The following PAN3 variants were observed in gnomAD, a reference collection of about 807,000 sequenced individuals.
PAN3 encodes PAN2-PAN3 deadenylation complex subunit PAN3.
A neutral mutation model predicts 96.2 loss-of-function variants in PAN3; 19 were observed. The observed-to-expected ratio is 0.20, with a 90% CI of 0.14 to 0.29. The LOEUF is 0.29. PAN3 is among the 10% of genes least tolerant of loss of function. The pLI, the probability that PAN3 is intolerant of heterozygous loss-of-function variation, is 1.00. For missense variants in PAN3, 882 were observed against 1,108.1 expected (o/e 0.80, Z 2.90); for synonymous variants, 433 against 406.6 (o/e 1.06, Z -0.78).
At chr13:28,194,773 T>C (rs1010484653) in intron 4 of PAN3, among the ~76,000 whole-genome samples, 1 of 151,948 alleles carries the variant, frequency 6.6e-6, no homozygotes, top group African/African-American at 2.4e-5. Context: ...CCCGGCCAAA[T>C]ATAAATTTTA....
Position 28,173,752 on chromosome 13 carries a change from A to G in PAN3, c.431-520A>G, listed in dbSNP as rs182941735. ...CCTAATAGTTCTACAGTCCTTCAGT[A>G]TCATCCTACCCTAAACTCTAAAGAG... On this transcript the variant is annotated intron_variant, in intron 1 of 18. Transcript: ENST00000380958. Among the ~76,000 whole-genome samples, 196 of 152,330 alleles carry G rather than the reference A, an allele frequency of 1.3e-3. 3 individuals are homozygous for G. The Middle Eastern group carries it at 0.02, about 16-fold the overall frequency.
intron 4 of PAN3, among the ~76,000 whole-genome samples, chr13:28,185,321 T>C (rs1005948671): frequency 1.3e-5 from 2 of 152,328 alleles, no homozygotes; most frequent in African/African-American, 4.8e-5. Flanking sequence ...AGAAAGACTT[T>C]GAGAGTTGAC....
At chr13:28,249,171 C>A (rs1884481258) in intron 6 of PAN3, among the ~76,000 whole-genome samples, 2 of 152,086 alleles carry the variant, frequency 1.3e-5, no homozygotes, top group Non-Finnish European at 2.9e-5. Context: ...TTATTTATTT[C>A]TTGCATCTGC....
In PAN3 at chr13:28,146,289, CCTCTTT is replaced by C. The variant is rs1373125990; in HGVS notation, c.430+7207_430+7212del. On this transcript the variant is annotated intron_variant, in intron 1 of 18. Coordinates refer to ENST00000380958, the MANE Select transcript of PAN3 (RefSeq NM_175854.8). ...ATATACCTAAATATATATATTTTTT[CCTCTTT>C]CTCTGTCTCTCTCTCTCTCTCTCTC... Among the ~76,000 whole-genome samples, 80 of 140,182 alleles carry C rather than the reference CCTCTTT, an allele frequency of 5.7e-4. 1 individual carries two copies. The highest frequency in any genetic ancestry group is 3.6e-3 in the Middle Eastern group (1 of 280). The allele number at this position is 140,182 out of a possible 152,430, so 92.0% of individuals were successfully genotyped here.
intron 1 of PAN3, among the ~76,000 whole-genome samples, chr13:28,155,814 G>A (rs567278668): frequency 7.2e-5 from 11 of 152,148 alleles, no homozygotes; most frequent in South Asian, 4.2e-4. Context: ...AGATGTATGA[G>A]GCATACATAC....
At chr13:28,206,939 A>G (rs1054462636) in intron 5 of PAN3, among the ~76,000 whole-genome samples, 4 of 151,854 alleles carry the variant, frequency 2.6e-5, no homozygotes, top group Admixed American at 2.6e-4. Context: ...CACTCATTCT[A>G]TTATATTTCT....
chr13:28,221,004 C>T (rs1039312746), intron 6 of PAN3, among the ~76,000 whole-genome samples: 14 of 152,066 alleles, frequency 9.2e-5, no homozygotes, highest in African/African-American at 3.4e-4. Context: ...GGCAAATGTG[C>T]TTGTACTCCA....
At chr13:28,248,680 A>G (rs995503597) in intron 6 of PAN3, among the ~76,000 whole-genome samples, 5 of 152,100 alleles carry the variant, frequency 3.3e-5, no homozygotes, top group Admixed American at 1.3e-4. Context: ...GCATACCACC[A>G]TACCCTAATT....
At chr13:28,179,907 A>G (rs1875543304) in intron 4 of PAN3, among the ~76,000 whole-genome samples, 1 of 152,106 alleles carries the variant, frequency 6.6e-6, no homozygotes, top group Admixed American at 6.5e-5. Context: ...TTGAGAATAT[A>G]TAGTACCTAT....
chr13:28,259,944 T>C (rs550427383), intron 7 of PAN3, among the ~76,000 whole-genome samples: 13 of 152,216 alleles, frequency 8.5e-5, no homozygotes, highest in Admixed American at 7.2e-4. Context: ...GGCCGAAATA[T>C]TATTTTTAAT....
At chr13:28,224,489 T>C (rs567176138) in intron 6 of PAN3, among the ~76,000 whole-genome samples, 2 of 152,370 alleles carry the variant, frequency 1.3e-5, no homozygotes, top group African/African-American at 2.4e-5. Flanking sequence ...TGAGTTCTTA[T>C]ATTTGCAAAT....
At chr13:28,275,738 C>G (rs1887001626) in intron 14 of PAN3, among the ~76,000 whole-genome samples, 1 of 152,154 alleles carries the variant, frequency 6.6e-6, no homozygotes, top group Admixed American at 6.5e-5. Flanking sequence ...TAATAGTTCT[C>G]CTTCCCATGC....
intron 4 of PAN3, among the ~76,000 whole-genome samples, chr13:28,181,819 T>A (rs1476046718): frequency 6.6e-6 from 1 of 152,218 alleles, no homozygotes; most frequent in African/African-American, 2.4e-5. Flanking sequence ...TATAGGACCA[T>A]GATTTATAGG....
rs1164399682 is a variant in PAN3, at chr13:28,138,979, G to A, written c.322G>A (p.Ala108Thr). 2.4e-6 allele frequency: 3 copies of A among 1,273,306 alleles called. No homozygotes were observed. Among genetic ancestry groups the A allele is most frequent in the South Asian group, 5.4e-5 (2 of 37,178 alleles). The allele number at this position is 1,273,306 out of a possible 1,614,324, so 78.9% of individuals were successfully genotyped here. Residue 108 changes from alanine (A) to threonine (T), a missense_variant, in exon 1 of 19, where the codon GCT (alanine) becomes ACT (threonine). By Grantham distance (58) the Ala-to-Thr change is moderately conservative. Transcript: ENST00000380958. ...GCCGGGAGCCGTCGCGGGCGGGGGA[G>A]CTGGGCCGCCCCCCGGGCCCAAGAA... Reference protein sequence around the residue: ...FPPGAVAGGGAGPPPGPKKPD... With the variant: ...FPPGAVAGGGTGPPPGPKKPD...
At chr13:28,290,531 ATTAGCCGGGCGTGGTGGT>A (rs1223964765) in intron 18 of PAN3, among the ~76,000 whole-genome samples, 32 of 152,200 alleles carry the variant, frequency 2.1e-4, no homozygotes, top group African/African-American at 7.5e-4. Flanking sequence ...AAAATACAAA[ATTAGCCGGGCGTGGTGGT>A]ACATGCCTGT....
At position 28,295,106 on chromosome 13, in the gene PAN3, A is replaced by G. The variant is rs1245401447; in HGVS notation, c.*2584A>G. Reference sequence around the variant, plus strand: ...AACGTTGGTCATTTCAATATTTTGTACCTGTTTTAAATTCTGTTAGTGTAT... The same window carrying G: ...AACGTTGGTCATTTCAATATTTTGTGCCTGTTTTAAATTCTGTTAGTGTAT... On this transcript the variant is annotated 3_prime_UTR_variant, in exon 19 of 19. Coordinates refer to ENST00000380958, the MANE Select transcript of PAN3 (RefSeq NM_175854.8). 7 of 152,152 alleles carry G rather than the reference A, an allele frequency of 4.6e-5. No individual in the cohort carries two copies. In the East Asian group the frequency reaches 1.3e-3, roughly 29 times the overall value. 9.4% of individuals were successfully genotyped at this position (152,152 alleles called of 1,614,324 possible). A position where few individuals can be genotyped will look rare whatever the true frequency, so the allele number is the denominator to read the frequency against.
At position 28,289,859 on chromosome 13, in the gene PAN3, C is replaced by G. The variant is rs111640372; in HGVS notation, c.2523+1737C>G. ...ATTGGGCCACTGCACTCCAGTCTGGCCGATAGAGCGAGACTCCGTCTCAAA... is the reference window on the plus strand; with the variant it reads ...ATTGGGCCACTGCACTCCAGTCTGGGCGATAGAGCGAGACTCCGTCTCAAA... On this transcript the variant is annotated intron_variant, in intron 18 of 18. Coordinates refer to ENST00000380958, the MANE Select transcript of PAN3 (RefSeq NM_175854.8). Among the ~76,000 whole-genome samples the G allele has an allele frequency of 4.6e-3, 692 of 152,016 alleles. 3 individuals carry two copies. Among genetic ancestry groups the G allele is most frequent in the African/African-American group, 0.015 (604 of 41,474 alleles).
chr13:28,222,997 C>T (rs371522862), intron 6 of PAN3, among the ~76,000 whole-genome samples: 16 of 152,114 alleles, frequency 1.1e-4, no homozygotes, highest in African/African-American at 3.9e-4. Flanking sequence ...AATTTTTAGG[C>T]CAGTTTATTT....
chr13:28,260,712 CCTGT>C (rs1566238558), intron 8 of PAN3, among the ~76,000 whole-genome samples, 161 bp downstream of exon 8: 1 of 149,584 alleles, frequency 6.7e-6, no homozygotes, highest in African/African-American at 2.4e-5. Context: ...TTTAAGGAAA[CCTGT>C]CTTTTAAAAA....
Sources: gnomAD v4.1 joint callset for allele counts (sites outside exome capture counted in the v4.1 genomes callset) on GRCh38, gnomAD v4.1.1 for gene constraint, MANE v1.5 for transcripts, NCBI Gene and HGNC (gene_info 2026-07-23, HGNC 2026-07-21) for gene names.